PTPRQ: variants seen among roughly 807,000 people sequenced by gnomAD.
The protein encoded by PTPRQ is phosphatidylinositol phosphatase PTPRQ.
In PTPRQ, 199 loss-of-function variants were observed where a neutral mutation model predicts 246.0. The ratio of observed to expected loss-of-function variants is 0.81; its 90% confidence interval spans 0.72 to 0.91. The LOEUF (loss-of-function observed/expected upper bound fraction) is 0.91. PTPRQ is among the 40% of genes least tolerant of loss of function. The pLI, the probability that PTPRQ is intolerant of heterozygous loss-of-function variation, is 0.00. For missense variants in PTPRQ, 2,624 were observed against 2,528.4 expected, an observed-to-expected ratio of 1.04 and a Z score of -0.81; for synonymous variants, 869 against 853.2, an observed-to-expected ratio of 1.02 and a Z score of -0.32.
chr12:80,552,023 C>T (rs544412116), intron 25 of PTPRQ, among the ~76,000 whole-genome samples: 1 of 152,088 alleles, frequency 6.6e-6, no homozygotes, highest in East Asian at 1.9e-4. Flanking sequence ...TTATTAAAGC[C>T]TTTAATGGCA....
intron 23 of PTPRQ, among the ~76,000 whole-genome samples, chr12:80,543,710 C>T (rs1896222432): frequency 1.3e-5 from 2 of 152,046 alleles, no homozygotes; most frequent in African/African-American, 2.4e-5. Context: ...AAGTCAAAAG[C>T]AGGCATTAAC....
At chr12:80,591,551 C>T (rs78635991) in intron 26 of PTPRQ, among the ~76,000 whole-genome samples, 1,704 of 152,148 alleles carry the variant, frequency 0.011, 26 homozygotes, top group African/African-American at 0.038. Flanking sequence ...TTTTCCAGTG[C>T]AGGTGATGAT....
intron 17 of PTPRQ, among the ~76,000 whole-genome samples, chr12:80,524,848 T>C (rs1895634085): frequency 6.6e-6 from 1 of 152,308 alleles, no homozygotes; most frequent in South Asian, 2.1e-4. Flanking sequence ...CCCAGATCTG[T>C]GTTACTCTCA....
chr12:80,557,743 A>G (rs1734416015), intron 25 of PTPRQ, among the ~76,000 whole-genome samples: 1 of 152,188 alleles, frequency 6.6e-6, no homozygotes, highest in South Asian at 2.1e-4. Context: ...CAGTGGTAAC[A>G]TCTCTCAAGT....
At chr12:80,455,513 T>C (rs914709802) in intron 3 of PTPRQ, among the ~76,000 whole-genome samples, 1 of 152,190 alleles carries the variant, frequency 6.6e-6, no homozygotes, top group African/African-American at 2.4e-5. Flanking sequence ...GTGAACTCAA[T>C]GTAATTACTT....
chr12:80,480,107 G>T (rs1592560750), intron 8 of PTPRQ, among the ~76,000 whole-genome samples: 1 of 152,058 alleles, frequency 6.6e-6, no homozygotes, highest in Non-Finnish European at 1.5e-5. Context: ...TTCCAAAATT[G>T]ACTACATACT....
chr12:80,677,220 A>G (rs1901172499), intron 43 of PTPRQ, among the ~76,000 whole-genome samples: 1 of 152,222 alleles, frequency 6.6e-6, no homozygotes. Flanking sequence ...ATGATTTCCA[A>G]AAAGATTATA....
At chr12:80,548,396 A>T (rs1896371717) in intron 24 of PTPRQ, among the ~76,000 whole-genome samples, 1 of 152,142 alleles carries the variant, frequency 6.6e-6, no homozygotes, top group South Asian at 2.1e-4. Context: ...TGAATAGTTA[A>T]TAGCATTTAA....
intron 9 of PTPRQ, among the ~76,000 whole-genome samples, chr12:80,488,541 A>ATTTAGTGTT (rs1894351103): frequency 6.6e-6 from 1 of 152,066 alleles, no homozygotes; most frequent in Admixed American, 6.6e-5. Flanking sequence ...TATGCATATT[A>ATTTAGTGTT]TTTAGTGTTT....
Position 80,620,370 on chromosome 12 carries a change from AATACTTGT to A in PTPRQ, c.5608_5612+3del, listed in dbSNP as rs1898934061. ...AATGGACCACTGAAACCAAAAAAGCAATACTTGTAAGTATAGGTTATATCTACCATGCA... is the reference window on the plus strand; with the variant it reads ...AATGGACCACTGAAACCAAAAAAGCAAAGTATAGGTTATATCTACCATGCA... On this transcript the variant is annotated splice_donor_variant and coding_sequence_variant, in exon 32 of 45. Transcript: ENST00000644991. LOFTEE classifies it high-confidence loss of function. 1 of 1,548,778 alleles carries A rather than the reference AATACTTGT, an allele frequency of 6.5e-7. No individual in the cohort carries two copies. Among genetic ancestry groups the A allele is most frequent in the African/African-American group, 1.4e-5 (1 of 72,776 alleles).
chr12:80,605,113 T>C lies in PTPRQ; in HGVS notation c.4664T>C (p.Ile1555Thr), dbSNP rs913513603. 45 of 1,545,400 alleles carry C rather than the reference T, an allele frequency of 2.9e-5. No individual in the cohort carries two copies. The highest frequency in any genetic ancestry group is 3.8e-5 in the Non-Finnish European group (44 of 1,143,278). ...VHVVATSPFS[I>T]SISWSEPAVI... ...GTAGTAGCAACATCACCTTTTAGCATCAGCATAAGCTGGAGTGAACCTGCT... is the reference window on the plus strand; with the variant it reads ...GTAGTAGCAACATCACCTTTTAGCACCAGCATAAGCTGGAGTGAACCTGCT... Residue 1555 changes from isoleucine to threonine, a missense_variant, in exon 27 of 45, where the codon ATC becomes ACC. Transcript: ENST00000644991.
At chr12:80,473,093 G>C (rs1030610884) in intron 8 of PTPRQ, among the ~76,000 whole-genome samples, 1 of 150,334 alleles carries the variant, frequency 6.7e-6, no homozygotes, top group Admixed American at 6.6e-5. Context: ...TACATTCATC[G>C]TTCAAGCGTT....
intron 25 of PTPRQ, among the ~76,000 whole-genome samples, chr12:80,566,989 A>T (rs1431648356): frequency 6.6e-6 from 1 of 152,220 alleles, no homozygotes; most frequent in East Asian, 1.9e-4. Context: ...GTTATCAAAG[A>T]AATGGTTAAC....
intron 25 of PTPRQ, among the ~76,000 whole-genome samples, chr12:80,581,929 G>A (rs951617930): frequency 2.6e-5 from 4 of 152,158 alleles, no homozygotes; most frequent in African/African-American, 4.8e-5. Context: ...TGGGGAACAG[G>A]CATTCTCATG....
chr12:80,565,895 T>C (rs1896963527), intron 25 of PTPRQ, among the ~76,000 whole-genome samples: 1 of 152,182 alleles, frequency 6.6e-6, no homozygotes, highest in Non-Finnish European at 1.5e-5. Flanking sequence ...GGAGCTATTT[T>C]ATAAATGTAA....
chr12:80,542,601 G>T (rs904745355), intron 22 of PTPRQ, 129 bp from the exon 23 acceptor site: 45 of 1,208,384 alleles, frequency 3.7e-5, no homozygotes, highest in Non-Finnish European at 4.9e-5. Context: ...TATGATATTT[G>T]TTTCTGAAAT....
At chr12:80,529,582 A>C (rs557705105) in intron 17 of PTPRQ, among the ~76,000 whole-genome samples, 1 of 152,290 alleles carries the variant, frequency 6.6e-6, no homozygotes, top group African/African-American at 2.4e-5. Flanking sequence ...GTTGTAAGAG[A>C]GAAACAAAGA....
Position 80,603,552 on chromosome 12 carries a change from G to A in PTPRQ, c.4610-1507G>A, listed in dbSNP as rs553317286. On this transcript the variant is annotated intron_variant, in intron 26 of 44. Transcript: ENST00000644991. The stretch of plus-strand genomic sequence containing the variant: ...GATTCTGAATCTTTTTTTGTACCAT[G>A]AATCCCTTTGGAAATCTGGTGAAGT... Among the ~76,000 whole-genome samples, 9 of 151,582 alleles carry A rather than the reference G, an allele frequency of 5.9e-5. 1 individual carries two copies. In the South Asian group the frequency reaches 1.9e-3, roughly 31 times the overall value.
At chr12:80,522,948 C>T (rs1006456957) in intron 17 of PTPRQ, among the ~76,000 whole-genome samples, 2 of 152,122 alleles carry the variant, frequency 1.3e-5, no homozygotes, top group Admixed American at 1.3e-4. Context: ...GTACCAGCTC[C>T]TCCTTGTACC....
Sources: allele counts gnomAD v4.1 joint callset (sites outside exome capture counted in the v4.1 genomes callset), GRCh38; gene constraint gnomAD v4.1.1; transcripts MANE v1.5; gene names NCBI Gene and HGNC (gene_info 2026-07-23, HGNC 2026-07-21).